CYB5R3: variants seen among roughly 807,000 people sequenced by gnomAD.
The protein encoded by CYB5R3 is NADH-cytochrome b5 reductase 3.
A neutral mutation model predicts 36.5 loss-of-function variants in CYB5R3; 28 were observed. The observed-to-expected ratio is 0.77, with a 90% CI of 0.57 to 1.05. The LOEUF (loss-of-function observed/expected upper bound fraction) is 1.05, where lower values mean the gene tolerates loss of function less well. CYB5R3 is among the 50% of genes least tolerant of loss of function. The probability of loss-of-function intolerance (pLI) is 0.00; values close to 1 mark genes in which losing one functional copy is unlikely to be tolerated. For synonymous variants in CYB5R3, 181 were observed against 159.8 expected (o/e 1.13, Z -1.00); for missense variants, 474 against 408.9 (o/e 1.16, Z -1.37).
intron 1 of CYB5R3, among the ~76,000 whole-genome samples, chr22:42,638,396 C>CAAAAAAAA (rs1206825251): frequency 2.7e-5 from 1 of 36,498 alleles, no homozygotes; most frequent in Non-Finnish European, 5.0e-5. Context: ...AACTCCATCT[C>CAAAAAAAA]AAAAAAAAAA....
chr22:42,621,713 C>T (rs8190468), intron 8 of CYB5R3, among the ~76,000 whole-genome samples: 6,478 of 152,364 alleles, frequency 0.043, 478 homozygotes, highest in African/African-American at 0.15. Flanking sequence ...GGGGTCAGCA[C>T]TGGCCCCTCC....
chr22:42,627,698 G>T lies in CYB5R3; in HGVS notation c.464-10C>A. 6.3e-7 allele frequency: 1 copy of T among 1,595,778 alleles called. No individual in the cohort carries two copies. The highest frequency in any genetic ancestry group is 1.7e-5 in the Admixed American group (1 of 60,002). On this transcript the variant is annotated splice_polypyrimidine_tract_variant and intron_variant, in intron 5 of 8. Transcript: ENST00000352397. ...CGGATGGCGAACTTCCCTGGGGAGAGAGAAGGGGTGAGGCCCGGCCATCAA... is the reference window on the plus strand; with the variant it reads ...CGGATGGCGAACTTCCCTGGGGAGATAGAAGGGGTGAGGCCCGGCCATCAA...
chr22:42,625,697 CGGAGGAA>C (rs1425781580), intron 7 of CYB5R3, among the ~76,000 whole-genome samples: 1 of 151,720 alleles, frequency 6.6e-6, no homozygotes, highest in African/African-American at 2.4e-5. Flanking sequence ...ACTGAGGTCA[CGGAGGAA>C]GGTAGGAGAG....
chr22:42,630,805 G>A (rs1239272289), intron 4 of CYB5R3, 77 bp downstream of exon 4: 9 of 1,282,886 alleles, frequency 7.0e-6, no homozygotes, highest in Middle Eastern at 2.0e-4. Flanking sequence ...AGACTTCCCT[G>A]TCCAGGGGGT....
chr22:42,630,733 G>A, intron 4 of CYB5R3, 149 bp downstream of exon 4: 1 of 709,232 alleles, frequency 1.4e-6, no homozygotes, highest in Non-Finnish European at 2.5e-6. Flanking sequence ...CACTGCCCCT[G>A]CAAGCCCCTG....
At chr22:42,648,060 T>C (rs1929609126) in intron 1 of CYB5R3, among the ~76,000 whole-genome samples, 1 of 152,070 alleles carries the variant, frequency 6.6e-6, no homozygotes, top group Admixed American at 6.6e-5. Context: ...TGGGGAAAAA[T>C]GGGCCGGGTG....
chr22:42,646,790 C>T (rs1336940630), intron 1 of CYB5R3: 5 of 986,270 alleles, frequency 5.1e-6, no homozygotes, highest in Middle Eastern at 5.1e-4. Context: ...GGGAAGGGAA[C>T]CCAGGAGAAG....
At chr22:42,633,732 G>A (rs1928736767) in intron 2 of CYB5R3, among the ~76,000 whole-genome samples, 1 of 152,154 alleles carries the variant, frequency 6.6e-6, no homozygotes, top group African/African-American at 2.4e-5. Flanking sequence ...GCGGTGAGTC[G>A]AGATTGTGCC....
intron 4 of CYB5R3, 26 bp from the exon 5 acceptor site, chr22:42,628,307 G>A: frequency 6.2e-7 from 1 of 1,612,624 alleles, no homozygotes; most frequent in Non-Finnish European, 8.5e-7. Flanking sequence ...GCAGCCCTCA[G>A]TCCCCAGCTC....
intron 6 of CYB5R3, 96 bp from the exon 7 acceptor site, chr22:42,627,485 A>G: frequency 6.8e-7 from 1 of 1,470,090 alleles, no homozygotes; most frequent in Non-Finnish European, 9.5e-7. Flanking sequence ...GGCCAGGACC[A>G]CTGGGCCTGG....
chr22:42,631,268 C>A, intron 3 of CYB5R3, 110 bp downstream of exon 3: 1 of 1,184,314 alleles, frequency 8.4e-7, no homozygotes, highest in South Asian at 1.4e-5. Flanking sequence ...TCACCTCCTC[C>A]TGAAGGCTTC....
At position 42,631,405 on chromosome 22, in the gene CYB5R3, G is replaced by C; in HGVS notation, c.199C>G (p.Pro67Ala). The C allele has an allele frequency of 1.3e-6, 2 of 1,551,668 alleles. No individual in the cohort carries two copies. The highest frequency in any genetic ancestry group is 1.7e-6 in the Non-Finnish European group (2 of 1,146,982). ...ACAGGGAGGCCCAGGATGTGCTGGGGTGACGGCAGGGCAAAGCGGAAGCGC... is the reference window on the plus strand; with the variant it reads ...ACAGGGAGGCCCAGGATGTGCTGGGCTGACGGCAGGGCAAAGCGGAAGCGC... ...TRRFRFALPS[P>A]QHILGLPVGQ... The change falls in exon 3 of 9, where the codon CCC (proline) becomes GCC (alanine). Residue 67 changes from proline (P) to alanine (A), a missense_variant. Transcript: ENST00000352397.
intron 6 of CYB5R3, 61 bp downstream of exon 6, chr22:42,627,544 C>T: frequency 1.9e-6 from 3 of 1,545,720 alleles, no homozygotes; most frequent in Non-Finnish European, 2.7e-6. Context: ...GCGCCTCACC[C>T]ACACCCCAAC....
At chr22:42,636,640 C>A (rs912929537) in intron 2 of CYB5R3, 75 bp downstream of exon 2, 1 of 1,579,546 alleles carries the variant, frequency 6.3e-7, no homozygotes, top group East Asian at 2.3e-5. Context: ...CAGAGCAGGA[C>A]CATGCCCTGA....
chr22:42,646,753 G>A (rs1338392414), intron 1 of CYB5R3: 2 of 986,156 alleles, frequency 2.0e-6, no homozygotes, highest in East Asian at 2.3e-4. Flanking sequence ...CTGCAGTGGG[G>A]GGCTCTGGCT....
At chr22:42,623,646 G>GACGGGGCCACACCACCTGCCTCCC in intron 8 of CYB5R3, 143 bp downstream of exon 8, 1 of 682,540 alleles carries the variant, frequency 1.5e-6, no homozygotes, top group South Asian at 1.6e-5. Flanking sequence ...TCATCTGTGA[G>GACGGGGCCACACCACCTGCCTCCC]ACGGGGCCAC....
intron 1 of CYB5R3, among the ~76,000 whole-genome samples, chr22:42,641,731 C>A (rs1241575299): frequency 6.6e-6 from 1 of 152,228 alleles, no homozygotes; most frequent in Non-Finnish European, 1.5e-5. Context: ...GGTGATCTGC[C>A]TGCCTTGGCC....
intron 1 of CYB5R3, chr22:42,647,164 T>G (rs5996204): frequency 0.015 from 2,535 of 169,922 alleles, 70 homozygotes; most frequent in African/African-American, 0.058. Context: ...GCTGGAGACA[T>G]TCTGGGCCAA....
At position 42,638,798 on chromosome 22, in the gene CYB5R3, T is replaced by TGA. The variant is rs377395789; in HGVS notation, c.22-1954_22-1953dup. Among the ~76,000 whole-genome samples the TGA allele has an allele frequency of 4.4e-3, 609 of 139,878 alleles. 8 individuals carry two copies. The highest frequency in any genetic ancestry group is 0.016 in the African/African-American group (576 of 36,634). The allele number at this position is 139,878 out of a possible 152,430, so 91.8% of individuals were successfully genotyped here. A position where few individuals can be genotyped will look rare whatever the true frequency, so the allele number is the denominator to read the frequency against. On this transcript the variant is annotated intron_variant, in intron 1 of 8. Transcript: ENST00000352397. ...CTGTAATCCCAGCACTTTGGGAGGC[T>TGA]GAGGCGGGGGGATCATCTGAGGTCA...
Sources: gnomAD v4.1 joint callset for allele counts (sites outside exome capture counted in the v4.1 genomes callset) on GRCh38, gnomAD v4.1.1 for gene constraint, MANE v1.5 for transcripts, NCBI Gene and HGNC (gene_info 2026-07-23, HGNC 2026-07-21) for gene names.